LIMA1: variants seen among roughly 807,000 people sequenced by gnomAD.
LIMA1 encodes LIM domain and actin binding 1, also known as LIM domain and actin-binding protein 1.
In LIMA1, 52 loss-of-function variants were observed where a neutral mutation model predicts 62.6. The observed-to-expected ratio is 0.83, with a 90% CI of 0.67 to 1.05. LIMA1 has a LOEUF of 1.05. Among genes scored for constraint, LIMA1 ranks in the 50% least tolerant of loss-of-function variants. The pLI, the probability that LIMA1 is intolerant of heterozygous loss-of-function variation, is 0.00. For missense variants in LIMA1, 780 were observed against 902.2 expected (o/e 0.86, Z 1.74); for synonymous variants, 302 against 317.8 (o/e 0.95, Z 0.53).
intron 8 of LIMA1, 40 bp downstream of exon 8, chr12:50,195,773 CCAAATACAGATAGAAAA>C: frequency 6.5e-7 from 1 of 1,545,792 alleles, no homozygotes; most frequent in Admixed American, 2.2e-5. Context: ...CACCCCTGAA[CCAAATACAGATAGAAAA>C]CAAGAACCTC....
intron 1 of LIMA1, among the ~76,000 whole-genome samples, chr12:50,275,635 T>C (rs993756025): frequency 2.0e-5 from 3 of 152,004 alleles, no homozygotes; most frequent in African/African-American, 7.3e-5. Flanking sequence ...AGCATTTGAT[T>C]TGGGCTCTTA....
At chr12:50,248,290 G>C (rs1373425680) in intron 2 of LIMA1, among the ~76,000 whole-genome samples, 2 of 152,144 alleles carry the variant, frequency 1.3e-5, no homozygotes, top group Non-Finnish European at 2.9e-5. Context: ...ATGAGCTCCT[G>C]TCTGTGATGC....
chr12:50,225,052 G>A (rs1290973692), intron 3 of LIMA1, among the ~76,000 whole-genome samples: 1 of 151,692 alleles, frequency 6.6e-6, no homozygotes, highest in Non-Finnish European at 1.5e-5. Flanking sequence ...ACAGGCATGT[G>A]CCACCATACC....
At chr12:50,232,634 G>T (rs1006466861) in intron 2 of LIMA1, among the ~76,000 whole-genome samples, 3 of 151,134 alleles carry the variant, frequency 2.0e-5, no homozygotes, top group Admixed American at 6.6e-5. Context: ...CTCCCCAAAT[G>T]CTGGGATTAC....
rs767257470 is a variant in LIMA1, at chr12:50,195,878, T to G, written c.982A>C (p.Asn328His). Residue 328 changes from asparagine to histidine, a missense_variant, in exon 8 of 11, where the codon AAT (asparagine) becomes CAT (histidine). Physicochemically the swap from Asn to His is moderately conservative, Grantham distance 68. Transcript: ENST00000341247. ...THQEGEKISA[N>H]ENSLAVRSTP... ...GAACGGACTGCCAGGCTATTCTCAT[T>G]TGCAGAAATCTACAAAAAAAAAAAA... 1 of 1,570,550 alleles carries G rather than the reference T, an allele frequency of 6.4e-7. No individual in the cohort carries two copies. The highest frequency in any genetic ancestry group is 1.2e-5 in the South Asian group (1 of 83,808).
rs1421948302 is a variant in LIMA1 at position 50,193,619 on chromosome 12, T to C, written c.1031-1058A>G. Among the ~76,000 whole-genome samples the C allele has an allele frequency of 4.2e-4, 56 of 132,564 alleles. No individual in the cohort carries two copies. The South Asian group carries it at 9.6e-3, about 23-fold the overall frequency. The allele number at this position is 132,564 out of a possible 152,430, so 87.0% of individuals were successfully genotyped here. ...ATATATATATACATGTATATATATA[T>C]ACATATATATACGTGTGTGTGTGTG... On this transcript the variant is annotated intron_variant, in intron 8 of 10. Transcript: ENST00000341247.
chr12:50,281,014 A>G (rs928843837), intron 1 of LIMA1, among the ~76,000 whole-genome samples: 2 of 152,212 alleles, frequency 1.3e-5, no homozygotes, highest in African/African-American at 4.8e-5. Context: ...TCTAAAAGTC[A>G]TCTATCTAAT....
chr12:50,177,749 C>T lies in LIMA1; in HGVS notation c.1595G>A (p.Trp532Ter). The change falls in exon 11 of 11, where the codon TGG (tryptophan) becomes TAG (stop). Residue 532 changes from tryptophan (W) to a stop codon, truncating the protein, a stop_gained. Coordinates refer to ENST00000341247, the MANE Select transcript of LIMA1 (RefSeq NM_016357.5). LOFTEE classifies it low-confidence loss of function (END_TRUNC). ...ACTTCCAAGTTCAGTGGGGGGTGGC[C>T]AGGCGATCCTCAGCTTCTTGGTTTC... Reference protein sequence around the residue: ...PAETKKLRIAWPPPTELGSSG... With the variant: ...PAETKKLRIA 1 of 1,614,082 alleles carries T rather than the reference C, an allele frequency of 6.2e-7. No homozygotes were observed. Among genetic ancestry groups the T allele is most frequent in the Non-Finnish European group, 8.5e-7 (1 of 1,180,004 alleles).
chr12:50,212,971 C>T (rs746142625), intron 4 of LIMA1, among the ~76,000 whole-genome samples: 1 of 152,116 alleles, frequency 6.6e-6, no homozygotes, highest in Non-Finnish European at 1.5e-5. Context: ...CATGTCACCA[C>T]GCCAGGCTAA....
rs758978089 is a variant in LIMA1 at position 50,265,379 on chromosome 12, G to C, written c.-23-16605C>G. On this transcript the variant is annotated intron_variant, in intron 1 of 10. Transcript: ENST00000341247. ...CTACTAAAAATACAAAATTAGCCGG[G>C]CGTGGTGGCGCATGCCTGTAATCCC... Among the ~76,000 whole-genome samples the C allele has an allele frequency of 5.7e-4, 87 of 152,008 alleles. 1 individual carries two copies. The highest frequency in any genetic ancestry group is 5.6e-3 in the Admixed American group (86 of 15,252).
At chr12:50,193,990 TATA>T (rs751755669) in intron 8 of LIMA1, among the ~76,000 whole-genome samples, 5 of 84,226 alleles carry the variant, frequency 5.9e-5, no homozygotes, top group East Asian at 4.3e-4. Context: ...TATATATATA[TATA>T]TATATTTTTT....
chr12:50,190,514 T>G (rs1243971160), intron 9 of LIMA1, among the ~76,000 whole-genome samples: 2 of 149,216 alleles, frequency 1.3e-5, no homozygotes, highest in Non-Finnish European at 3.0e-5. Context: ...ATTACAGGCA[T>G]GTGCCACCAT....
chr12:50,215,159 C>T (rs1424895640), intron 4 of LIMA1, among the ~76,000 whole-genome samples: 1 of 152,180 alleles, frequency 6.6e-6, no homozygotes, highest in African/African-American at 2.4e-5. Context: ...ACTACATCAG[C>T]GCATATACAC....
rs762165918 is a variant in LIMA1, at chr12:50,206,013, T to G, written c.686A>C (p.Tyr229Ser). Residue 229 changes from tyrosine (Y) to serine (S), a missense_variant, in exon 5 of 11, where the codon TAT becomes TCT. By Grantham distance (144) the Tyr-to-Ser change is moderately radical. Transcript: ENST00000341247. ...ASGRKISENS[Y>S]SLDDLEIGPG... is the part of the protein sequence containing the mutation. ...GCCTATTTCCAGGTCATCTAGAGAA[T>G]AGCTGTTTTCAGAGATCTTCCTTCC... 35 of 1,612,458 alleles carry G rather than the reference T, an allele frequency of 2.2e-5. No individual in the cohort carries two copies. The highest frequency in any genetic ancestry group is 2.9e-5 in the Non-Finnish European group (34 of 1,178,980).
chr12:50,246,186 T>G (rs976757490), intron 2 of LIMA1, among the ~76,000 whole-genome samples: 1 of 145,020 alleles, frequency 6.9e-6, no homozygotes, highest in Non-Finnish European at 1.5e-5. Flanking sequence ...GAGCTGAGAT[T>G]GCACTATTGC....
intron 1 of LIMA1, among the ~76,000 whole-genome samples, chr12:50,280,300 G>A (rs1397201287): frequency 6.6e-6 from 1 of 151,716 alleles, no homozygotes; most frequent in East Asian, 1.9e-4. Flanking sequence ...GACTACAGGC[G>A]CCTGCCACCA....
intron 3 of LIMA1, among the ~76,000 whole-genome samples, chr12:50,226,969 C>T (rs1592536582): frequency 1.3e-5 from 2 of 148,456 alleles, no homozygotes; most frequent in East Asian, 3.9e-4. Flanking sequence ...GGTGGGGTCC[C>T]TCAGGGTTTT....
chr12:50,251,700 G>T (rs1343431017), intron 1 of LIMA1, among the ~76,000 whole-genome samples: 1 of 148,884 alleles, frequency 6.7e-6, no homozygotes, highest in Non-Finnish European at 1.5e-5. Context: ...GCACGATAAA[G>T]AAAAAAAAGG....
chr12:50,229,797 C>T (rs576055044), intron 3 of LIMA1: 1 of 152,382 alleles, frequency 6.6e-6, no homozygotes, highest in Admixed American at 6.5e-5. Context: ...CAGGTCTTTA[C>T]AATGACACCA....
Sources: gnomAD v4.1 joint callset for allele counts (sites outside exome capture counted in the v4.1 genomes callset) on GRCh38, gnomAD v4.1.1 for gene constraint, MANE v1.5 for transcripts, NCBI Gene and HGNC (gene_info 2026-07-23, HGNC 2026-07-21) for gene names.